NR3C2: variants seen among roughly 807,000 people sequenced by gnomAD.
NR3C2 encodes the protein mineralocorticoid receptor.
Under a neutral mutation model 86.4 loss-of-function variants are expected in NR3C2, and 15 were observed. The observed-to-expected ratio is 0.17, with a 90% CI of 0.12 to 0.27. The LOEUF is 0.27. Ranked by LOEUF, NR3C2 falls within the 10% of genes least tolerant of loss-of-function variation. The pLI is 1.00. For missense variants in NR3C2, 960 were observed against 1,195.6 expected, an observed-to-expected ratio of 0.80 and a Z score of 2.91; for synonymous variants, 458 against 450.5, an observed-to-expected ratio of 1.02 and a Z score of -0.21.
chr4:148,228,096 T>C (rs1204589046), intron 3 of NR3C2, among the ~76,000 whole-genome samples: 1 of 152,286 alleles, frequency 6.6e-6, no homozygotes, highest in African/African-American at 2.4e-5. Flanking sequence ...TATGTATGCA[T>C]ATTAAAAGCC....
chr4:148,146,885 C>T (rs1306891645), intron 6 of NR3C2: 1 of 152,012 alleles, frequency 6.6e-6, no homozygotes, highest in Non-Finnish European at 1.5e-5. Context: ...TTTTCAAATA[C>T]CAGCCAAGAT....
intron 2 of NR3C2, among the ~76,000 whole-genome samples, chr4:148,408,110 T>C (rs1748509964): frequency 1.3e-5 from 2 of 152,148 alleles, no homozygotes; most frequent in African/African-American, 4.8e-5. Flanking sequence ...GCTGAATCAA[T>C]ACCCTTAGCT....
intron 2 of NR3C2, among the ~76,000 whole-genome samples, chr4:148,308,126 C>A (rs1742725559): frequency 6.6e-6 from 1 of 152,072 alleles, no homozygotes; most frequent in Admixed American, 6.5e-5. Flanking sequence ...TTTACCAGAA[C>A]CCAAGGACAT....
intron 2 of NR3C2, among the ~76,000 whole-genome samples, chr4:148,409,790 C>G (rs983623771): frequency 6.6e-6 from 1 of 152,074 alleles, no homozygotes; most frequent in Non-Finnish European, 1.5e-5. Flanking sequence ...GGTACAATGT[C>G]CCAAAGTAGG....
intron 2 of NR3C2, among the ~76,000 whole-genome samples, chr4:148,380,413 T>C (rs987617038): frequency 1.1e-4 from 17 of 152,242 alleles, no homozygotes; most frequent in Admixed American, 1.0e-3. Flanking sequence ...TGAATAATGC[T>C]GCTATGAACA....
At chr4:148,304,755 G>A (rs760497909) in intron 2 of NR3C2, among the ~76,000 whole-genome samples, 1 of 152,128 alleles carries the variant, frequency 6.6e-6, no homozygotes, top group Non-Finnish European at 1.5e-5. Context: ...AGCTGACTGG[G>A]GGCCTGCCTG....
At chr4:148,353,711 A>G (rs1240600091) in intron 2 of NR3C2, among the ~76,000 whole-genome samples, 2 of 152,164 alleles carry the variant, frequency 1.3e-5, no homozygotes, top group African/African-American at 4.8e-5. Context: ...TCCTATATGA[A>G]AAGACCATCA....
chr4:148,300,582 C>T (rs767461837), intron 2 of NR3C2, among the ~76,000 whole-genome samples: 1 of 130,034 alleles, frequency 7.7e-6, no homozygotes, highest in Non-Finnish European at 1.6e-5. Context: ...TTTTGCCTTG[C>T]TACTCATTTT....
intron 2 of NR3C2, among the ~76,000 whole-genome samples, chr4:148,400,631 T>C (rs1748105570): frequency 6.6e-6 from 1 of 151,768 alleles, no homozygotes; most frequent in Non-Finnish European, 1.5e-5. Context: ...ATACAAAAAT[T>C]AGCCAGGCAT....
At chr4:148,381,944 A>T (rs1747013669) in intron 2 of NR3C2, among the ~76,000 whole-genome samples, 1 of 152,092 alleles carries the variant, frequency 6.6e-6, no homozygotes. Flanking sequence ...CTTTTCCCAC[A>T]CCACTGTCAT....
chr4:148,406,968 T>C (rs1329480983), intron 2 of NR3C2, among the ~76,000 whole-genome samples: 1 of 152,180 alleles, frequency 6.6e-6, no homozygotes, highest in Non-Finnish European at 1.5e-5. Flanking sequence ...ACAGCAAGTA[T>C]TAAAAATATG....
At chr4:148,428,050 G>T (rs1180322704) in intron 2 of NR3C2, among the ~76,000 whole-genome samples, 5 of 152,196 alleles carry the variant, frequency 3.3e-5, no homozygotes, top group Admixed American at 1.3e-4. Flanking sequence ...AAAAGGAAAA[G>T]AGTAACTTTA....
At chr4:148,283,916 C>T (rs1048503849) in intron 2 of NR3C2, among the ~76,000 whole-genome samples, 3 of 152,290 alleles carry the variant, frequency 2.0e-5, no homozygotes, top group Non-Finnish European at 2.9e-5. Flanking sequence ...ACTGAGACTG[C>T]GAGTGATTAC....
upstream of NR3C2, chr4:148,442,796 C>T: frequency 2.0e-6 from 2 of 985,464 alleles, no homozygotes; most frequent in South Asian, 4.7e-5. Context: ...ACGCTGCCCC[C>T]ACCCCCATCG....
intron 2 of NR3C2, among the ~76,000 whole-genome samples, chr4:148,278,647 CTCCA>C (rs1235216980): frequency 6.6e-6 from 1 of 152,152 alleles, no homozygotes; most frequent in East Asian, 1.9e-4. Context: ...CCCTACCACA[CTCCA>C]AATCCCTTAC....
intron 2 of NR3C2, among the ~76,000 whole-genome samples, chr4:148,367,872 C>CA (rs534219371): frequency 0.018 from 2,225 of 122,214 alleles, 23 homozygotes; most frequent in African/African-American, 0.047. Context: ...TTCTCCCTTT[C>CA]AAAAAAAAAA....
At chr4:148,163,864 A>G (rs975852934) in intron 4 of NR3C2, among the ~76,000 whole-genome samples, 1 of 152,222 alleles carries the variant, frequency 6.6e-6, no homozygotes, top group African/African-American at 2.4e-5. Context: ...AAAGTGACTT[A>G]TGCAATAACT....
chr4:148,127,118 C>T (rs61764561), intron 6 of NR3C2, among the ~76,000 whole-genome samples: 40 of 152,224 alleles, frequency 2.6e-4, no homozygotes, highest in Non-Finnish European at 3.4e-4. Context: ...TGCATGAAAT[C>T]GAATTCTCTA....
At chr4:148,082,997 A>G (rs1198019512) in intron 8 of NR3C2, among the ~76,000 whole-genome samples, 1 of 152,108 alleles carries the variant, frequency 6.6e-6, no homozygotes, top group Non-Finnish European at 1.5e-5. Context: ...GCAGCTCCCC[A>G]AAACCACTGT....
Sources: gnomAD v4.1 joint callset for allele counts (sites outside exome capture counted in the v4.1 genomes callset) on GRCh38, gnomAD v4.1.1 for gene constraint, MANE v1.5 for transcripts, NCBI Gene and HGNC (gene_info 2026-07-23, HGNC 2026-07-21) for gene names.